Variants in COL3A1 observed in about 807,000 individuals in gnomAD.
COL3A1 encodes collagen type III alpha 1 chain, also known as collagen alpha-1(III) chain.
COL3A1 carries 46 observed loss-of-function variants against 200.9 expected under a neutral mutation model. The observed-to-expected ratio is 0.23, with a 90% confidence interval of 0.18 to 0.29. COL3A1 has a LOEUF of 0.29. Ranked by LOEUF, COL3A1 falls within the 10% of genes least tolerant of loss-of-function variation. The probability of loss-of-function intolerance (pLI) is 1.00; values close to 1 mark genes in which losing one functional copy is unlikely to be tolerated. For synonymous variants in COL3A1, 650 were observed against 628.0 expected (o/e 1.03, Z -0.52); for missense variants, 1,367 against 1,917.6 (o/e 0.71, Z 5.36).
chr2:188,979,972 T>G (rs1375142644), intron 1 of COL3A1, among the ~76,000 whole-genome samples: 2 of 151,420 alleles, frequency 1.3e-5, no homozygotes, highest in Non-Finnish European at 3.0e-5. Flanking sequence ...CCTTTGGGAG[T>G]ATGAAGCAAA....
chr2:188,997,385 C>G lies in COL3A1; in HGVS notation c.1865C>G (p.Pro622Arg). 6.2e-7 allele frequency: 1 copy of G among 1,613,648 alleles called. No homozygotes were observed. The highest frequency in any genetic ancestry group is 8.5e-7 in the Non-Finnish European group (1 of 1,179,618). The part of the protein sequence containing the change: ...GETGPQGPPG[P>R]TGPGGDKGDT... ...ACTGGACCTCAGGGACCCCCAGGGCCTACTGTAAGTTCACTCATATAAAAT... is the reference window on the plus strand; with the variant it reads ...ACTGGACCTCAGGGACCCCCAGGGCGTACTGTAAGTTCACTCATATAAAAT... Residue 622 changes from proline (P) to arginine (R), a missense_variant, in exon 26 of 51, where the codon CCT becomes CGT. Physicochemically the swap from Pro to Arg is moderately radical, Grantham distance 103 (BLOSUM62 -2). Coordinates refer to ENST00000304636, the MANE Select transcript of COL3A1 (RefSeq NM_000090.4).
Position 188,992,058 on chromosome 2 carries a change from T to A in COL3A1, c.952-126T>A, listed in dbSNP as rs180783492. ...AATAATTGACTTTAAAATACATAATTATTAAGCAGATTTTAATGTACTTGA... is the reference window on the plus strand; with the variant it reads ...AATAATTGACTTTAAAATACATAATAATTAAGCAGATTTTAATGTACTTGA... On this transcript the variant is annotated intron_variant, in intron 13 of 50. Coordinates refer to ENST00000304636, the MANE Select transcript of COL3A1 (RefSeq NM_000090.4). 69 of 881,910 alleles carry A rather than the reference T, an allele frequency of 7.8e-5. No homozygotes were observed. In the East Asian group the frequency reaches 1.7e-3, roughly 22 times the overall value. 54.6% of individuals were successfully genotyped at this position (881,910 alleles called of 1,614,324 possible).
At chr2:188,995,515 AT>A in intron 21 of COL3A1, 176 bp from the exon 22 acceptor site, 1 of 586,124 alleles carries the variant, frequency 1.7e-6, no homozygotes, top group Non-Finnish European at 3.0e-6. Context: ...TTGCTTTAAA[AT>A]TTTTTCAATA....
At chr2:189,011,313 G>A (rs981265585) in intron 50 of COL3A1, among the ~76,000 whole-genome samples, 1 of 152,186 alleles carries the variant, frequency 6.6e-6, no homozygotes, top group African/African-American at 2.4e-5. Flanking sequence ...CATTGTGAGA[G>A]ACCTATCCTC....
chr2:188,978,862 G>T (rs1332173142), intron 1 of COL3A1, among the ~76,000 whole-genome samples: 5 of 151,550 alleles, frequency 3.3e-5, no homozygotes, highest in African/African-American at 1.2e-4. Context: ...CGGAAAAAAT[G>T]AGATAGCTAT....
intron 27 of COL3A1, 86 bp from the exon 28 acceptor site, chr2:188,998,180 T>A (rs1037323350): frequency 3.1e-6 from 4 of 1,272,688 alleles, no homozygotes; most frequent in Non-Finnish European, 4.5e-6. Flanking sequence ...TTTTTTAATA[T>A]CTTGCAGAAA....
chr2:188,993,036 A>G, intron 15 of COL3A1, 96 bp downstream of exon 15: 1 of 1,111,552 alleles, frequency 9.0e-7, no homozygotes, highest in Non-Finnish European at 1.4e-6. Context: ...TAATCAGTCA[A>G]ATGGATAGCT....
At chr2:188,988,009 A>G (rs1688098764) in intron 5 of COL3A1, 72 bp from the exon 6 acceptor site, 2 of 1,173,012 alleles carry the variant, frequency 1.7e-6, no homozygotes, top group Non-Finnish European at 2.6e-6. Flanking sequence ...TGCGAGTGTC[A>G]TTGCTTTGAA....
chr2:188,975,295 C>G (rs1687785570), intron 1 of COL3A1, among the ~76,000 whole-genome samples: 1 of 152,174 alleles, frequency 6.6e-6, no homozygotes, highest in Non-Finnish European at 1.5e-5. Context: ...GGAGGTTTGA[C>G]TTTGCTGCAA....
chr2:189,006,005 C>A (rs1030867511), intron 41 of COL3A1, among the ~76,000 whole-genome samples: 2 of 152,064 alleles, frequency 1.3e-5, no homozygotes, highest in Non-Finnish European at 2.9e-5. Context: ...AATCACCTCT[C>A]CTCCATGAAT....
At position 189,011,893 on chromosome 2, in the gene COL3A1, G is replaced by T; in HGVS notation, c.*119G>T. The T allele has an allele frequency of 1.8e-6, 2 of 1,128,678 alleles. No homozygotes were observed. Among genetic ancestry groups the T allele is most frequent in the South Asian group, 1.3e-5 (1 of 74,368 alleles). The allele number at this position is 1,128,678 out of a possible 1,614,324, so 69.9% of individuals were successfully genotyped here. A position where few individuals can be genotyped will look rare whatever the true frequency, so the allele number is the denominator to read the frequency against. On this transcript the variant is annotated 3_prime_UTR_variant, in exon 51 of 51. Transcript: ENST00000304636. Reference sequence around the variant, plus strand: ...AATTCCAGTTATTTATTTCCAAAATGTTTGGAAACAGTATAATTTGACAAA... The same window carrying T: ...AATTCCAGTTATTTATTTCCAAAATTTTTGGAAACAGTATAATTTGACAAA...
chr2:189,003,164 G>A, intron 36 of COL3A1, 102 bp downstream of exon 36: 2 of 984,194 alleles, frequency 2.0e-6, no homozygotes, highest in South Asian at 2.8e-5. Flanking sequence ...CCCTCTGTAA[G>A]TCCTAAGTGT....
intron 15 of COL3A1, 28 bp downstream of exon 15, chr2:188,992,968 T>G (rs748113636): frequency 1.2e-6 from 2 of 1,605,876 alleles, no homozygotes; most frequent in Non-Finnish European, 1.7e-6. Context: ...TAGAAGGGTA[T>G]AAAAATATCT....
chr2:188,999,755 C>T (rs1688414172), intron 31 of COL3A1, 87 bp from the exon 32 acceptor site: 2 of 1,421,724 alleles, frequency 1.4e-6, no homozygotes, highest in Non-Finnish European at 1.9e-6. Flanking sequence ...AATATATATC[C>T]CTACAAATCC....
rs1403315387 is a variant in COL3A1, at chr2:188,984,619, T to C, written c.80-141T>C. 7 of 730,878 alleles carry C rather than the reference T, an allele frequency of 9.6e-6. No individual in the cohort carries two copies. The Admixed American group carries it at 1.3e-4, about 14-fold the overall frequency. 45.3% of individuals were successfully genotyped at this position (730,878 alleles called of 1,614,324 possible). A position where few individuals can be genotyped will look rare whatever the true frequency, so the allele number is the denominator to read the frequency against. ...TACTTAGCAAATTACATAGGGCAAGTATAATTTTCTAATGAAAGGAAGAAA... is the reference window on the plus strand; with the variant it reads ...TACTTAGCAAATTACATAGGGCAAGCATAATTTTCTAATGAAAGGAAGAAA... On this transcript the variant is annotated intron_variant, in intron 1 of 50. Coordinates refer to ENST00000304636, the MANE Select transcript of COL3A1 (RefSeq NM_000090.4).
intron 27 of COL3A1, among the ~76,000 whole-genome samples, 157 bp from the exon 28 acceptor site, chr2:188,998,109 G>A (rs1054195887): frequency 2.0e-5 from 3 of 152,138 alleles, no homozygotes; most frequent in East Asian, 1.9e-4. Context: ...TGATTATCAC[G>A]TATGTGTCAC....
intron 1 of COL3A1, among the ~76,000 whole-genome samples, chr2:188,980,793 C>A (rs1687936542): frequency 6.6e-6 from 1 of 150,954 alleles, no homozygotes. Context: ...CAAACAATAT[C>A]ATTTAAAAGG....
rs375024694 is a variant in COL3A1 at position 188,999,558 on chromosome 2, C to G, written c.2210C>G (p.Pro737Arg). 1 of 1,613,646 alleles carries G rather than the reference C, an allele frequency of 6.2e-7. No homozygotes were observed. The highest frequency in any genetic ancestry group is 8.5e-7 in the Non-Finnish European group (1 of 1,179,998). Reference protein sequence around the residue: ...MPGERGGLGSPGPKGDKGEPG... With the variant: ...MPGERGGLGSRGPKGDKGEPG... ...GGAGAAAGAGGAGGTCTTGGAAGTC[C>G]TGGTCCAAAGGGTGACAAGGTGTTG... Residue 737 changes from proline to arginine, a missense_variant, in exon 31 of 51, where the codon CCT (proline) becomes CGT (arginine). Coordinates refer to ENST00000304636, the MANE Select transcript of COL3A1 (RefSeq NM_000090.4).
At chr2:188,996,290 GTATA>G (rs2153502656) in intron 23 of COL3A1, 104 bp from the exon 24 acceptor site, 2 of 701,362 alleles carry the variant, frequency 2.9e-6, no homozygotes, top group African/African-American at 8.6e-5. Flanking sequence ...ATATGTATAT[GTATA>G]TCTATATATA....
Sources: allele counts gnomAD v4.1 joint callset (sites outside exome capture counted in the v4.1 genomes callset), GRCh38; gene constraint gnomAD v4.1.1; transcripts MANE v1.5; gene names NCBI Gene and HGNC (gene_info 2026-07-23, HGNC 2026-07-21).